The following RHO variants were observed in gnomAD, a reference collection of about 807,000 sequenced individuals.
The protein encoded by RHO is rhodopsin.
Under a neutral mutation model 31.2 loss-of-function variants are expected in RHO, and 21 were observed. That is an observed-to-expected ratio of 0.67 (90% CI 0.48 to 0.97). RHO has a LOEUF of 0.97. Ranked by LOEUF, RHO falls within the 50% of genes least tolerant of loss-of-function variation. The pLI, the probability that RHO is intolerant of heterozygous loss-of-function variation, is 0.00. For synonymous variants in RHO, 211 were observed against 196.6 expected (o/e 1.07, Z -0.61); for missense variants, 414 against 479.5 (o/e 0.86, Z 1.28).
rs2084795327 is a variant in RHO, at chr3:129,532,904, A to T, written c.936+132A>T. 6 of 1,201,030 alleles carry T rather than the reference A, an allele frequency of 5.0e-6. No homozygotes were observed. Among genetic ancestry groups the T allele is most frequent in the Non-Finnish European group, 7.2e-6 (6 of 828,942 alleles). 74.4% of individuals were successfully genotyped at this position (1,201,030 alleles called of 1,614,324 possible). ...GCAGCAGTCTTGGGTCAGCAGTCCC[A>T]ATGGGGAGTGTGTGAGAAATGCAGA... is the stretch of plus-strand genomic sequence containing the variant. On this transcript the variant is annotated intron_variant, in intron 4 of 4. Transcript: ENST00000296271. This position sits in a 1 kb window ranked among gnomAD's most constrained non-coding sequence, Gnocchi z 5.5.
chr3:129,531,766 G>T (rs1223028434), intron 2 of RHO, among the ~76,000 whole-genome samples: 1 of 152,180 alleles, frequency 6.6e-6, no homozygotes, highest in African/African-American at 2.4e-5. Flanking sequence ...AGGAACCATT[G>T]CCACGTCCTA....
At position 129,533,872 on chromosome 3, in the gene RHO, T is replaced by C. The variant is rs2084803177; in HGVS notation, c.*154T>C. The C allele has an allele frequency of 3.4e-6, 2 of 592,570 alleles. No individual in the cohort carries two copies. The allele number at this position is 592,570 out of a possible 1,614,324, so 36.7% of individuals were successfully genotyped here. A position where few individuals can be genotyped will look rare whatever the true frequency, so the allele number is the denominator to read the frequency against. On this transcript the variant is annotated 3_prime_UTR_variant, in exon 5 of 5. Transcript: ENST00000296271. Reference sequence around the variant, plus strand: ...TTTTTTTTTTTTAAGAAATAATTAATGAGGCTCCTCACTCACCTGGGACAG... The same window carrying C: ...TTTTTTTTTTTTAAGAAATAATTAACGAGGCTCCTCACTCACCTGGGACAG...
Position 129,528,833 on chromosome 3 carries a change from C to T in RHO, c.100C>T (p.Pro34Ser). 1 of 1,614,236 alleles carries T rather than the reference C, an allele frequency of 6.2e-7. No individual in the cohort carries two copies. Residue 34 changes from proline (P) to serine (S), a missense_variant, in exon 1 of 5, where the codon CCA (proline) becomes TCA (serine). Transcript: ENST00000296271. The part of the protein sequence containing the change: ...FEYPQYYLAE[P>S]WQFSMLAAYM... ...GTACCCACAGTACTACCTGGCTGAG[C>T]CATGGCAGTTCTCCATGCTGGCCGC... is the stretch of plus-strand genomic sequence containing the variant.
At chr3:129,531,178 T>TAGGGGTGTAGGGCAGA in intron 2 of RHO, 134 bp downstream of exon 2, 1 of 975,630 alleles carries the variant, frequency 1.0e-6, no homozygotes, top group Non-Finnish European at 1.6e-6. Flanking sequence ...CCACTCAGGG[T>TAGGGGTGTAGGGCAGA]AGGGGTGTAG....
intron 2 of RHO, among the ~76,000 whole-genome samples, chr3:129,531,709 G>T (rs1417383023): frequency 6.6e-6 from 1 of 152,184 alleles, no homozygotes; most frequent in Non-Finnish European, 1.5e-5. Flanking sequence ...AAGCAGAGCC[G>T]CTGGACGCTC....
In RHO at chr3:129,534,115, G is replaced by A; in HGVS notation, c.*397G>A. ...CTGGATGGATGCAGGAAGGAATGGA[G>A]GAATGAATGGGAAGGGAGAACATAT... On this transcript the variant is annotated 3_prime_UTR_variant, in exon 5 of 5. Transcript: ENST00000296271. 1 of 195,992 alleles carries A rather than the reference G, an allele frequency of 5.1e-6. No homozygotes were observed. The highest frequency in any genetic ancestry group is 1.1e-5 in the Non-Finnish European group (1 of 92,156). 12.1% of individuals were successfully genotyped at this position (195,992 alleles called of 1,614,324 possible). A position where few individuals can be genotyped will look rare whatever the true frequency, so the allele number is the denominator to read the frequency against.
chr3:129,528,939 G>T lies in RHO; in HGVS notation c.206G>T (p.Arg69Leu). Residue 69 changes from arginine (R) to leucine (L), a missense_variant, in exon 1 of 5, where the codon CGC becomes CTC. By Grantham distance (102) the Arg-to-Leu change is moderately radical. Coordinates refer to ENST00000296271, the MANE Select transcript of RHO (RefSeq NM_000539.3). ...GTCACCGTCCAGCACAAGAAGCTGC[G>T]CACGCCTCTCAACTACATCCTGCTC... ...LYVTVQHKKLRTPLNYILLNL... is the reference protein window; with the variant it reads ...LYVTVQHKKLLTPLNYILLNL... 6.2e-7 allele frequency: 1 copy of T among 1,614,164 alleles called. No individual in the cohort carries two copies. The highest frequency in any genetic ancestry group is 1.3e-5 in the African/African-American group (1 of 75,028).
At chr3:129,529,699 C>T (rs139028150) in intron 1 of RHO, among the ~76,000 whole-genome samples, 70 of 152,372 alleles carry the variant, frequency 4.6e-4, no homozygotes, top group East Asian at 3.5e-3. Context: ...CTCCCTGCCG[C>T]GTTCCAAGTC....
chr3:129,533,524 G>GGGTA, intron 4 of RHO, 84 bp from the exon 5 acceptor site: 1 of 1,023,400 alleles, frequency 9.8e-7, no homozygotes, highest in East Asian at 2.4e-5. Flanking sequence ...AGCAGGCAAA[G>GGGTA]GGTCGGGGCG....
rs2084773825 is a variant in RHO, at chr3:129,530,736, G to A, written c.362-140G>A. 3.0e-6 allele frequency: 3 copies of A among 1,004,216 alleles called. No individual in the cohort carries two copies. In the South Asian group the frequency reaches 4.0e-5, roughly 13 times the overall value. 62.2% of individuals were successfully genotyped at this position (1,004,216 alleles called of 1,614,324 possible). ...CCCTTCCCCCTCCTCCCAGCACCAA[G>A]CTCTCTCCTTCCCCAAGGCCTCCTC... On this transcript the variant is annotated intron_variant, in intron 1 of 4. Coordinates refer to ENST00000296271, the MANE Select transcript of RHO (RefSeq NM_000539.3).
Position 129,528,877 on chromosome 3 carries a change from C to T in RHO, c.144C>T (p.Ile48=), listed in dbSNP as rs756454203. The change falls in exon 1 of 5, where the codon ATC becomes ATT. Residue 48 remains isoleucine, a synonymous_variant. Transcript: ENST00000296271. ...SMLAAYMFLL[I]VLGFPINFLT... is the part of the protein sequence containing the mutation. ...TGGCCGCCTACATGTTTCTGCTGATCGTGCTGGGCTTCCCCATCAACTTCC... is the reference window on the plus strand; with the variant it reads ...TGGCCGCCTACATGTTTCTGCTGATTGTGCTGGGCTTCCCCATCAACTTCC... The T allele has an allele frequency of 2.5e-5, 40 of 1,614,100 alleles. 1 individual carries two copies. The highest frequency in any genetic ancestry group is 1.2e-4 in the Admixed American group (7 of 60,006).
intron 4 of RHO, 74 bp from the exon 5 acceptor site, chr3:129,533,534 G>A (rs561052129): frequency 6.7e-5 from 75 of 1,117,342 alleles, no homozygotes; most frequent in South Asian, 5.8e-4. Context: ...GGGTCGGGGC[G>A]AACCTCACTA....
At position 129,534,076 on chromosome 3, in the gene RHO, G is replaced by A. The variant is rs1227793264; in HGVS notation, c.*358G>A. 7.8e-6 allele frequency: 2 copies of A among 255,114 alleles called. No homozygotes were observed. Among genetic ancestry groups the A allele is most frequent in the Non-Finnish European group, 1.6e-5 (2 of 127,970 alleles). The allele number at this position is 255,114 out of a possible 1,614,324, so 15.8% of individuals were successfully genotyped here. On this transcript the variant is annotated 3_prime_UTR_variant, in exon 5 of 5. Coordinates refer to ENST00000296271, the MANE Select transcript of RHO (RefSeq NM_000539.3). Reference sequence around the variant, plus strand: ...TAGCACAGAATGGGGCACACAGTAGGTGCTTAATAAATGCTGGATGGATGC... The same window carrying A: ...TAGCACAGAATGGGGCACACAGTAGATGCTTAATAAATGCTGGATGGATGC...
In RHO at chr3:129,528,888, T is replaced by A; in HGVS notation, c.155T>A (p.Phe52Tyr). The change falls in exon 1 of 5, where the codon TTC becomes TAC. Residue 52 changes from phenylalanine (F) to tyrosine (Y), a missense_variant. By Grantham distance (22) the Phe-to-Tyr change is conservative (BLOSUM62 3). Transcript: ENST00000296271. ...ATGTTTCTGCTGATCGTGCTGGGCT[T>A]CCCCATCAACTTCCTCACGCTCTAC... ...AYMFLLIVLG[F>Y]PINFLTLYVT... The A allele has an allele frequency of 6.2e-7, 1 of 1,614,190 alleles. No homozygotes were observed. Among genetic ancestry groups the A allele is most frequent in the South Asian group, 1.1e-5 (1 of 91,084 alleles).
intron 1 of RHO, among the ~76,000 whole-genome samples, chr3:129,530,631 G>T (rs2084773248): frequency 6.6e-6 from 1 of 151,290 alleles, no homozygotes; most frequent in Admixed American, 6.6e-5. Context: ...TCCCTTATGG[G>T]CCCAGAGCGC....
At position 129,533,747 on chromosome 3, in the gene RHO, T is replaced by G. The variant is rs1297633277; in HGVS notation, c.*29T>G. 2 of 1,486,726 alleles carry G rather than the reference T, an allele frequency of 1.3e-6. No individual in the cohort carries two copies. The highest frequency in any genetic ancestry group is 2.8e-5 in the African/African-American group (2 of 72,258). 92.1% of individuals were successfully genotyped at this position (1,486,726 alleles called of 1,614,324 possible). A position where few individuals can be genotyped will look rare whatever the true frequency, so the allele number is the denominator to read the frequency against. On this transcript the variant is annotated 3_prime_UTR_variant, in exon 5 of 5. Coordinates refer to ENST00000296271, the MANE Select transcript of RHO (RefSeq NM_000539.3). ...CTGCCTAGGACTCTGTGGCCGACTA[T>G]AGGCGTCTCCCATCCCCTACACCTT...
At chr3:129,531,490 G>A (rs1203954886) in intron 2 of RHO, among the ~76,000 whole-genome samples, 4 of 152,208 alleles carry the variant, frequency 2.6e-5, no homozygotes, top group Non-Finnish European at 4.4e-5. Context: ...GCTGAGATGA[G>A]ACACAGTGGG....
In RHO at chr3:129,531,035, G is replaced by T; in HGVS notation, c.521G>T (p.Gly174Val). ...GCCTGCGCCGCACCCCCACTCGCCGGCTGGTCCAGGTAATGGCACTGAGCA... is the reference window on the plus strand; with the variant it reads ...GCCTGCGCCGCACCCCCACTCGCCGTCTGGTCCAGGTAATGGCACTGAGCA... Reference protein sequence around the residue: ...ALACAAPPLAGWSRYIPEGLQ... With the variant: ...ALACAAPPLAVWSRYIPEGLQ... Residue 174 changes from glycine (G) to valine (V), a missense_variant, in exon 2 of 5, where the codon GGC (glycine) becomes GTC (valine). Coordinates refer to ENST00000296271, the MANE Select transcript of RHO (RefSeq NM_000539.3). 2 of 1,613,750 alleles carry T rather than the reference G, an allele frequency of 1.2e-6. No homozygotes were observed. Among genetic ancestry groups the T allele is most frequent in the Non-Finnish European group, 1.7e-6 (2 of 1,180,034 alleles).
rs2084754827 is a variant in RHO at position 129,528,661 on chromosome 3, G to A, written c.-73G>A. The A allele has an allele frequency of 2.5e-6, 4 of 1,604,748 alleles. No individual in the cohort carries two copies. The highest frequency in any genetic ancestry group is 1.9e-4 in the Middle Eastern group (1 of 5,166). On this transcript the variant is annotated 5_prime_UTR_variant, in exon 1 of 5. Transcript: ENST00000296271. Reference sequence around the variant, plus strand: ...CCCAGAGTCATCCAGCTGGAGCCCTGAGTGGCTGAGCTCAGGCCTTCGCAG... The same window carrying A: ...CCCAGAGTCATCCAGCTGGAGCCCTAAGTGGCTGAGCTCAGGCCTTCGCAG...
Sources: gnomAD v4.1 joint callset for allele counts (sites outside exome capture counted in the v4.1 genomes callset) on GRCh38, gnomAD v4.1.1 for gene constraint, Gnocchi (gnomAD v3.1) non-coding constraint, MANE v1.5 for transcripts, NCBI Gene and HGNC (gene_info 2026-07-23, HGNC 2026-07-21) for gene names.